The following DISP2 variants were observed in gnomAD, a reference collection of about 807,000 sequenced individuals.
DISP2 encodes the protein protein dispatched homolog 2.
In DISP2, 59 loss-of-function variants were observed where a neutral mutation model predicts 95.5. The observed-to-expected ratio is 0.62, with a 90% CI of 0.50 to 0.77. The LOEUF (loss-of-function observed/expected upper bound fraction) is 0.77, where lower values mean the gene tolerates loss of function less well. Among genes scored for constraint, DISP2 ranks in the 30% least tolerant of loss-of-function variants. DISP2 has a pLI of 0.00. For missense variants in DISP2, 1,752 were observed against 1,854.6 expected, an observed-to-expected ratio of 0.94 and a Z score of 1.02; for synonymous variants, 827 against 815.0, an observed-to-expected ratio of 1.01 and a Z score of -0.25.
rs750825779 is a variant in DISP2 at position 40,368,221 on chromosome 15, C to T, written c.2109C>T (p.Arg703=). 7 of 1,610,530 alleles carry T rather than the reference C, an allele frequency of 4.3e-6. No homozygotes were observed. The highest frequency in any genetic ancestry group is 5.9e-6 in the Non-Finnish European group (7 of 1,179,148). The change falls in exon 8 of 8, where the codon CGC becomes CGT. Residue 703 remains arginine (R), a synonymous_variant. Coordinates refer to ENST00000267889, the MANE Select transcript of DISP2 (RefSeq NM_033510.3). The stretch of plus-strand genomic sequence containing the variant: ...TGCCCTGCGGCGTCATCAAGTTCCG[C>T]TACATCTGGATCTGCTGGTTCGCAG... ...RLLPCGVIKF[R]YIWICWFAAL... is the part of the protein sequence containing the mutation.
chr15:40,365,929 A>G (rs1889491641), intron 7 of DISP2, among the ~76,000 whole-genome samples: 2 of 152,344 alleles, frequency 1.3e-5, no homozygotes, highest in South Asian at 4.1e-4. Flanking sequence ...AAGAGCCAAG[A>G]TAGAAGTGCT....
At position 40,358,432 on chromosome 15, in the gene DISP2, C is replaced by G. The variant is rs965819450; in HGVS notation, c.111C>G (p.Ser37=). 1 of 1,319,058 alleles carries G rather than the reference C, an allele frequency of 7.6e-7. No homozygotes were observed. The highest frequency in any genetic ancestry group is 9.7e-7 in the Non-Finnish European group (1 of 1,034,080). The allele number at this position is 1,319,058 out of a possible 1,614,324, so 81.7% of individuals were successfully genotyped here. A position where few individuals can be genotyped will look rare whatever the true frequency, so the allele number is the denominator to read the frequency against. The change falls in exon 1 of 8, where the codon TCC becomes TCG. Residue 37 remains serine (S), a synonymous_variant. Transcript: ENST00000267889. ...EGEPLAPDGG[S]PDSTQTKAVP... ...AGCCCTTGGCCCCAGACGGCGGCTC[C>G]CCGGACAGGTAGGGCGGACAGCTCC...
chr15:40,358,956 C>G (rs1161092511), intron 1 of DISP2, among the ~76,000 whole-genome samples: 1 of 152,400 alleles, frequency 6.6e-6, no homozygotes, highest in East Asian at 1.9e-4. Flanking sequence ...TGACCCCCAG[C>G]TGTGCACGTG....
In DISP2 at chr15:40,377,862, AC is replaced by A. The variant is rs1344017497; in HGVS notation, c.*7546del. The A allele has an allele frequency of 1.3e-5, 2 of 152,364 alleles. No individual in the cohort carries two copies. Among genetic ancestry groups the A allele is most frequent in the Non-Finnish European group, 2.9e-5 (2 of 68,096 alleles). The allele number at this position is 152,364 out of a possible 1,614,324, so 9.4% of individuals were successfully genotyped here. A position where few individuals can be genotyped will look rare whatever the true frequency, so the allele number is the denominator to read the frequency against. ...CTGTCCCCATCAGCCAGATTGGAAA[AC>A]CTCAAATTTATGGAGCATTGGTCAG... On this transcript the variant is annotated 3_prime_UTR_variant, in exon 8 of 8. Coordinates refer to ENST00000267889, the MANE Select transcript of DISP2 (RefSeq NM_033510.3).
rs765747978 is a variant in DISP2, at chr15:40,369,139, C to G, written c.3027C>G (p.Leu1009=). The G allele has an allele frequency of 2.8e-5, 45 of 1,613,958 alleles. No homozygotes were observed. In the South Asian group the frequency reaches 4.8e-4, roughly 17 times the overall value. Residue 1009 remains leucine, a synonymous_variant, in exon 8 of 8, where the codon CTC becomes CTG. Coordinates refer to ENST00000267889, the MANE Select transcript of DISP2 (RefSeq NM_033510.3). The part of the protein sequence containing the change: ...TVLLTVGLLV[L]LEWQLNTAEA... ...TGCTCACTGTAGGACTCCTGGTTCT[C>G]CTCGAGTGGCAGCTCAACACTGCCG...
At chr15:40,363,216 G>A (rs1889433958) in intron 1 of DISP2, among the ~76,000 whole-genome samples, 1 of 151,712 alleles carries the variant, frequency 6.6e-6, no homozygotes, top group Non-Finnish European at 1.5e-5. Flanking sequence ...GGAGGCTGAG[G>A]CAGGAGAATG....
In DISP2 at chr15:40,368,099, A is replaced by G. The variant is rs1185993309; in HGVS notation, c.1987A>G (p.Ser663Gly). The G allele has an allele frequency of 1.5e-4, 208 of 1,353,928 alleles. No individual in the cohort carries two copies. The highest frequency in any genetic ancestry group is 1.9e-4 in the Non-Finnish European group (197 of 1,063,112). The allele number at this position is 1,353,928 out of a possible 1,614,324, so 83.9% of individuals were successfully genotyped here. The change falls in exon 8 of 8, where the codon AGC becomes GGC. Residue 663 changes from serine (S) to glycine (G), a missense_variant. Ser to Gly is a moderately conservative substitution (Grantham distance 56). Around this residue, in one of 5 missense-constraint regions of DISP2, gnomAD observed 732 missense variants for 714.6 expected, o/e 1.02. Coordinates refer to ENST00000267889, the MANE Select transcript of DISP2 (RefSeq NM_033510.3). Reference protein sequence around the residue: ...ARRARGRWEGSAPRRLLLALH... With the variant: ...ARRARGRWEGGAPRRLLLALH... ...CCGGGCGCGGGGCCGGTGGGAGGGC[A>G]GCGCGCCCCGGCGGCTACTGCTGGC...
At position 40,376,027 on chromosome 15, in the gene DISP2, G is replaced by C. The variant is rs575304187; in HGVS notation, c.*5709G>C. The C allele has an allele frequency of 1.3e-5, 2 of 152,160 alleles. No homozygotes were observed. The highest frequency in any genetic ancestry group is 4.8e-5 in the African/African-American group (2 of 41,426). 9.4% of individuals were successfully genotyped at this position (152,160 alleles called of 1,614,324 possible). A position where few individuals can be genotyped will look rare whatever the true frequency, so the allele number is the denominator to read the frequency against. On this transcript the variant is annotated 3_prime_UTR_variant, in exon 8 of 8. Coordinates refer to ENST00000267889, the MANE Select transcript of DISP2 (RefSeq NM_033510.3). The stretch of plus-strand genomic sequence containing the variant: ...GAAGTCCTTGAAAGAGCAAAGCCTG[G>C]AGAGCTTCTTTGAGAAAGTTCACAG...
At position 40,367,061 on chromosome 15, in the gene DISP2, C is replaced by T. The variant is rs368084105; in HGVS notation, c.949C>T (p.Arg317Cys). Residue 317 changes from arginine to cysteine, a missense_variant, in exon 8 of 8, where the codon CGC becomes TGC. By Grantham distance (180) the Arg-to-Cys change is radical. Coordinates refer to ENST00000267889, the MANE Select transcript of DISP2 (RefSeq NM_033510.3). The part of the protein sequence containing the change: ...SMCRMEQDQI[R>C]SHTSFGALCQ... ...CCCTCCTGCGTGTGCCCTACAGATC[C>T]GCTCCCATACCAGCTTCGGGGCTCT... 4 of 1,608,424 alleles carry T rather than the reference C, an allele frequency of 2.5e-6. No homozygotes were observed. The highest frequency in any genetic ancestry group is 2.7e-5 in the African/African-American group (2 of 74,910).
rs1052981910 is a variant in DISP2, at chr15:40,363,700, C to T, written c.195C>T (p.Asp65=). The part of the protein sequence containing the change: ...SCSLHSCPLE[D]PSSSSGPPPT... The stretch of plus-strand genomic sequence containing the variant: ...CCCTCCACAGCTGCCCCCTGGAGGA[C>T]CCTTCCAGCTCTTCAGGACCCCCAC... Residue 65 remains aspartate, a synonymous_variant, in exon 2 of 8, where the codon GAC becomes GAT. Coordinates refer to ENST00000267889, the MANE Select transcript of DISP2 (RefSeq NM_033510.3). 6.2e-7 allele frequency: 1 copy of T among 1,609,984 alleles called. No individual in the cohort carries two copies. Among genetic ancestry groups the T allele is most frequent in the African/African-American group, 1.3e-5 (1 of 75,026 alleles).
rs1361945491 is a variant in DISP2, at chr15:40,373,841, TA to T, written c.*3528del. ...TAACATGGTGAAACCCCGTCTCTAC[TA>T]AAAATACAAAAATTAGCCGGGTGTG... On this transcript the variant is annotated 3_prime_UTR_variant, in exon 8 of 8. Coordinates refer to ENST00000267889, the MANE Select transcript of DISP2 (RefSeq NM_033510.3). 3.3e-5 allele frequency: 5 copies of T among 151,168 alleles called. No homozygotes were observed. The South Asian group carries it at 6.2e-4, about 19-fold the overall frequency. The allele number at this position is 151,168 out of a possible 1,614,324, so 9.4% of individuals were successfully genotyped here.
At position 40,367,388 on chromosome 15, in the gene DISP2, A is replaced by G; in HGVS notation, c.1276A>G (p.Thr426Ala). ...CAGGGACTTTCTGAGTCCCCAGACCACTGACTACCAGGTGCCTTCCCTCAA... is the reference window on the plus strand; with the variant it reads ...CAGGGACTTTCTGAGTCCCCAGACCGCTGACTACCAGGTGCCTTCCCTCAA... ...LDRDFLSPQTTDYQVPSLKYS... is the reference protein window; with the variant it reads ...LDRDFLSPQTADYQVPSLKYS... The change falls in exon 8 of 8, where the codon ACT becomes GCT. Residue 426 changes from threonine to alanine, a missense_variant. Transcript: ENST00000267889. 1.2e-6 allele frequency: 2 copies of G among 1,612,788 alleles called. No homozygotes were observed. The highest frequency in any genetic ancestry group is 1.7e-6 in the Non-Finnish European group (2 of 1,179,710).
At position 40,376,247 on chromosome 15, in the gene DISP2, A is replaced by G. The variant is rs184371740; in HGVS notation, c.*5929A>G. ...TGTTTTGAAAGGCTGAAGTGGGAGG[A>G]TGGCTTGAGGCCAGGAGTTTGAGAC... On this transcript the variant is annotated 3_prime_UTR_variant, in exon 8 of 8. Coordinates refer to ENST00000267889, the MANE Select transcript of DISP2 (RefSeq NM_033510.3). 1.6e-3 allele frequency: 238 copies of G among 152,324 alleles called. 1 individual carries two copies. The highest frequency in any genetic ancestry group is 5.6e-3 in the African/African-American group (231 of 41,562). The allele number at this position is 152,324 out of a possible 1,614,324, so 9.4% of individuals were successfully genotyped here.
In DISP2 at chr15:40,370,956, A is replaced by G; in HGVS notation, c.*638A>G. 1 of 249,310 alleles carries G rather than the reference A, an allele frequency of 4.0e-6. No homozygotes were observed. The highest frequency in any genetic ancestry group is 4.4e-5 in the Admixed American group (1 of 22,650). 15.4% of individuals were successfully genotyped at this position (249,310 alleles called of 1,614,324 possible). A position where few individuals can be genotyped will look rare whatever the true frequency, so the allele number is the denominator to read the frequency against. On this transcript the variant is annotated 3_prime_UTR_variant, in exon 8 of 8. Transcript: ENST00000267889. The stretch of plus-strand genomic sequence containing the variant: ...GTGCAGCAGGAGAAGGAGGATGGTC[A>G]GCCTTGGAGCATCTCTCAATTACGG...
In DISP2 at chr15:40,364,478, C is replaced by T; in HGVS notation, c.537C>T (p.Val179=). Residue 179 remains valine (V), a synonymous_variant, in exon 4 of 8, where the codon GTC becomes GTT. Coordinates refer to ENST00000267889, the MANE Select transcript of DISP2 (RefSeq NM_033510.3). The part of the protein sequence containing the change: ...PVAVLMLCLA[V]IFLCTLAGLL... ...CCGTGCTGATGCTGTGTCTGGCTGT[C>T]ATCTTCCTCTGCACCCTGGCTGGAC... 6.2e-7 allele frequency: 1 copy of T among 1,614,100 alleles called. No homozygotes were observed. The highest frequency in any genetic ancestry group is 8.5e-7 in the Non-Finnish European group (1 of 1,180,048).
At chr15:40,359,739 A>G (rs1298075622) in intron 1 of DISP2, among the ~76,000 whole-genome samples, 2 of 152,174 alleles carry the variant, frequency 1.3e-5, no homozygotes, top group African/African-American at 2.4e-5. Context: ...GACCATAGAC[A>G]CTAATTGGGC....
chr15:40,365,150 G>C lies in DISP2; in HGVS notation c.723G>C (p.Ser241=). The C allele has an allele frequency of 6.2e-7, 1 of 1,613,202 alleles. No individual in the cohort carries two copies. The highest frequency in any genetic ancestry group is 8.5e-7 in the Non-Finnish European group (1 of 1,179,638). Residue 241 remains serine, a synonymous_variant, in exon 6 of 8, where the codon TCG becomes TCC. Coordinates refer to ENST00000267889, the MANE Select transcript of DISP2 (RefSeq NM_033510.3). The part of the protein sequence containing the change: ...FLSPDLELNS[S]SSHNTLRPAP... Reference sequence around the variant, plus strand: ...ATAGATATTCTCTCCACTTCAGCTCGAGCTCCCACAACACTCTGAGGCCTG... The same window carrying C: ...ATAGATATTCTCTCCACTTCAGCTCCAGCTCCCACAACACTCTGAGGCCTG...
chr15:40,365,674 C>G lies in DISP2; in HGVS notation c.894C>G (p.Ser298Arg). Residue 298 changes from serine to arginine, a missense_variant, in exon 7 of 8, where the codon AGC (serine) becomes AGG (arginine). Around this residue, in one of 5 missense-constraint regions of DISP2, gnomAD observed 14 missense variants for 36.6 expected, o/e 0.38. Transcript: ENST00000267889. ...KLVFMSTSSG[S>R]LWNLHAIHSM... ...TGTTCATGTCCACCTCCTCGGGCAGCCTATGGAACCTGCATGCCATCCATT... is the reference window on the plus strand; with the variant it reads ...TGTTCATGTCCACCTCCTCGGGCAGGCTATGGAACCTGCATGCCATCCATT... 2 of 1,614,122 alleles carry G rather than the reference C, an allele frequency of 1.2e-6. No homozygotes were observed. The highest frequency in any genetic ancestry group is 1.7e-6 in the Non-Finnish European group (2 of 1,180,016).
chr15:40,359,024 G>A (rs1422533442), intron 1 of DISP2, among the ~76,000 whole-genome samples: 4 of 152,234 alleles, frequency 2.6e-5, no homozygotes, highest in East Asian at 1.9e-4. Flanking sequence ...AGATGGGAAG[G>A]ATTTGGTGCT....
Sources: gnomAD v4.1 joint callset for allele counts (sites outside exome capture counted in the v4.1 genomes callset) on GRCh38, gnomAD v4.1.1 for gene constraint, gnomAD v4.1.1 regional missense constraint, MANE v1.5 for transcripts, NCBI Gene and HGNC (gene_info 2026-07-23, HGNC 2026-07-21) for gene names.